The following NLRP1 variants were observed in gnomAD, a reference collection of about 807,000 sequenced individuals.
NLRP1 encodes the protein NLR family pyrin domain containing 1.
In NLRP1, 94 loss-of-function variants were observed where a neutral mutation model predicts 136.7. That is an observed-to-expected ratio of 0.69 (90% CI 0.58 to 0.82). The LOEUF is 0.82. Ranked by LOEUF, NLRP1 falls within the 40% of genes least tolerant of loss-of-function variation. The pLI, the probability that NLRP1 is intolerant of heterozygous loss-of-function variation, is 0.00. For synonymous variants in NLRP1, 690 were observed against 725.1 expected, an observed-to-expected ratio of 0.95 and a Z score of 0.78; for missense variants, 1,575 against 1,802.7, an observed-to-expected ratio of 0.87 and a Z score of 2.29.
intron 8 of NLRP1, 50 bp downstream of exon 8, chr17:5,536,801 C>T (rs1215365547): frequency 7.4e-7 from 1 of 1,348,860 alleles, no homozygotes; most frequent in East Asian, 2.3e-5. Flanking sequence ...CTGTCTCCTG[C>T]TCAGCCCTGG....
chr17:5,541,238 G>T lies in NLRP1; in HGVS notation c.2699+619C>A, dbSNP rs573805977. On this transcript the variant is annotated intron_variant, in intron 6 of 16. Coordinates refer to ENST00000572272, the MANE Select transcript of NLRP1 (RefSeq NM_033004.4). This position sits in a 1 kb window ranked among gnomAD's most constrained non-coding sequence, Gnocchi z 4.2. ...TTTGTGTAGTTTTAGTAGAGACAAG[G>T]TTTCACCATGTTGGCTAGGCTGGTC... Among the ~76,000 whole-genome samples the T allele has an allele frequency of 6.6e-6, 1 of 152,096 alleles. No homozygotes were observed. The highest frequency in any genetic ancestry group is 2.1e-4 in the South Asian group (1 of 4,824).
At chr17:5,549,711 A>G (rs987219046) in intron 5 of NLRP1, among the ~76,000 whole-genome samples, 1 of 152,214 alleles carries the variant, frequency 6.6e-6, no homozygotes, top group African/African-American at 2.4e-5. Context: ...ATTACTCTGG[A>G]TGGAACCTTG....
intron 15 of NLRP1, among the ~76,000 whole-genome samples, chr17:5,508,729 T>G (rs1907481666): frequency 6.6e-6 from 1 of 152,216 alleles, no homozygotes; most frequent in Non-Finnish European, 1.5e-5. Context: ...ATGCTTGTGA[T>G]GATCTAAATC....
intron 3 of NLRP1, among the ~76,000 whole-genome samples, chr17:5,574,879 C>T (rs143170557): frequency 0.018 from 2,719 of 151,900 alleles, 75 homozygotes; most frequent in African/African-American, 0.062. Flanking sequence ...TTAGCCAGGA[C>T]GGTCTCGATC....
chr17:5,520,109 G>A (rs762927820), intron 14 of NLRP1, among the ~76,000 whole-genome samples: 1 of 151,608 alleles, frequency 6.6e-6, no homozygotes, highest in African/African-American at 2.4e-5. Context: ...TGCCCACCTC[G>A]GTACCCAAAA....
chr17:5,511,745 TTTCTC>T, downstream of NLRP1, among the ~76,000 whole-genome samples: 1 of 144,762 alleles, frequency 6.9e-6, no homozygotes, highest in South Asian at 2.3e-4. Flanking sequence ...CCTCCCTCCC[TTTCTC>T]TTTTCTTTTT....
In NLRP1 at chr17:5,518,109, C is replaced by T. The variant is rs7223605; in HGVS notation, c.3916-222G>A. The T allele has an allele frequency of 2.6e-3, 1,311 of 503,058 alleles. 12 individuals are homozygous for T. Among genetic ancestry groups the T allele is most frequent in the African/African-American group, 0.024 (1,212 of 51,562 alleles). The allele number at this position is 503,058 out of a possible 1,614,324, so 31.2% of individuals were successfully genotyped here. ...GGGTAAGTCAGGGCTTGTCCTTAAA[C>T]GTAGTGCTCATAATCCTAAGCCAGA... On this transcript the variant is annotated intron_variant, in intron 14 of 16. Coordinates refer to ENST00000572272, the MANE Select transcript of NLRP1 (RefSeq NM_033004.4).
rs771237294 is a variant in NLRP1, at chr17:5,559,340, T to C, written c.1356A>G (p.Ala452=). 2 of 1,613,930 alleles carry C rather than the reference T, an allele frequency of 1.2e-6. No individual in the cohort carries two copies. Among genetic ancestry groups the C allele is most frequent in the Non-Finnish European group, 1.7e-6 (2 of 1,179,932 alleles). Residue 452 remains alanine, a synonymous_variant, in exon 4 of 17, where the codon GCA becomes GCG. Transcript: ENST00000572272. ...TGGTCCGAGCCGTGATCAGGAAGGA[T>C]GCCTCGGGAAGTATAGTTTTCCCCA... ...SLLGKTILPE[A]SFLITARTTA...
intron 3 of NLRP1, among the ~76,000 whole-genome samples, chr17:5,565,603 T>C (rs1395787087): frequency 1.3e-5 from 2 of 152,232 alleles, no homozygotes; most frequent in African/African-American, 4.8e-5. Context: ...TTGTAGTAGC[T>C]TCATAGTTTG....
At chr17:5,520,851 C>T (rs201037886) in intron 14 of NLRP1, 30 bp downstream of exon 14, 1 of 1,523,562 alleles carries the variant, frequency 6.6e-7, no homozygotes, top group Non-Finnish European at 8.9e-7. Flanking sequence ...CTTCTGTTCG[C>T]AGTGAAGAGG....
chr17:5,559,371 C>T lies in NLRP1; in HGVS notation c.1325G>A (p.Ser442Asn), dbSNP rs376885817. ...GGGAAGTATAGTTTTCCCCAGCAAA[C>T]TGCCCAGCAGTGCATCCGCCGGCTG... The part of the protein sequence containing the change: ...QPQPADALLG[S>N]LLGKTILPEA... The change falls in exon 4 of 17, where the codon AGT (serine) becomes AAT (asparagine). Residue 442 changes from serine (S) to asparagine (N), a missense_variant. Coordinates refer to ENST00000572272, the MANE Select transcript of NLRP1 (RefSeq NM_033004.4). 8.1e-6 allele frequency: 13 copies of T among 1,613,920 alleles called. No individual in the cohort carries two copies. Among genetic ancestry groups the T allele is most frequent in the African/African-American group, 2.7e-5 (2 of 74,938 alleles).
At chr17:5,556,106 C>G (rs1249390821) in intron 4 of NLRP1, among the ~76,000 whole-genome samples, 1 of 137,574 alleles carries the variant, frequency 7.3e-6, no homozygotes, top group Non-Finnish European at 1.5e-5. Context: ...CTGTCTCTGT[C>G]TCTCTCTCTA....
chr17:5,505,562 A>T (rs1015260800), intron 15 of NLRP1: 1 of 152,288 alleles, frequency 6.6e-6, no homozygotes, highest in Admixed American at 6.5e-5. Context: ...ACAAAGCACA[A>T]ATTCAAAGAT....
In NLRP1 at chr17:5,536,929, G is replaced by A. The variant is rs2151766200; in HGVS notation, c.2882C>T (p.Thr961Ile). Residue 961 changes from threonine (T) to isoleucine (I), a missense_variant, in exon 8 of 17, where the codon ACA (threonine) becomes ATA (isoleucine). Transcript: ENST00000572272. ...CKLIRLGLDQ[T>I]TLSDEMRQEL... ...CTGCCTCATCTCATCACTCAGAGTT[G>A]TCTGGTCCAGCCTGAAAGCACAAAG... The A allele has an allele frequency of 1.9e-6, 3 of 1,612,770 alleles. No homozygotes were observed. The highest frequency in any genetic ancestry group is 2.5e-6 in the Non-Finnish European group (3 of 1,178,776).
At position 5,537,012 on chromosome 17, in the gene NLRP1, C is replaced by G; in HGVS notation, c.2871-72G>C. On this transcript the variant is annotated intron_variant, in intron 7 of 16. Coordinates refer to ENST00000572272, the MANE Select transcript of NLRP1 (RefSeq NM_033004.4). This position sits in a 1 kb window ranked among gnomAD's most constrained non-coding sequence, Gnocchi z 4.5. Reference sequence around the variant, plus strand: ...TCCCCAGGTCCCCAGGGCCCAGAATCCTGGGACCTGTCACCTTCTGAGGCA... The same window carrying G: ...TCCCCAGGTCCCCAGGGCCCAGAATGCTGGGACCTGTCACCTTCTGAGGCA... The G allele has an allele frequency of 9.3e-7, 1 of 1,075,592 alleles. No homozygotes were observed. The highest frequency in any genetic ancestry group is 1.3e-5 in the South Asian group (1 of 79,676). 66.6% of individuals were successfully genotyped at this position (1,075,592 alleles called of 1,614,324 possible).
chr17:5,516,654 T>C (rs1567629769), intron 15 of NLRP1, among the ~76,000 whole-genome samples: 1 of 152,258 alleles, frequency 6.6e-6, no homozygotes, highest in Non-Finnish European at 1.5e-5. Context: ...AATTAGTCAT[T>C]ATGATCCTCT....
At chr17:5,512,664 C>CCTG, downstream of NLRP1, 1 of 317,874 alleles carries the variant, frequency 3.1e-6, no homozygotes, top group Non-Finnish European at 6.0e-6. Flanking sequence ...GAGCCCTGAG[C>CCTG]TCAGCAGGGC....
rs78433357 is a variant in NLRP1 at position 5,517,362 on chromosome 17, C to CCCCCG, written c.4057+383_4057+384insCGGGG. On this transcript the variant is annotated intron_variant, in intron 15 of 16. Transcript: ENST00000572272. Reference sequence around the variant, plus strand: ...TAGTGCACTCTGCACCCCCCCCCCTCCCACATACACAGACTTTCTTCCATT... The same window carrying CCCCCG: ...TAGTGCACTCTGCACCCCCCCCCCTCCCCCGCCACATACACAGACTTTCTTCCATT... Among the ~76,000 whole-genome samples, 228 of 61,244 alleles carry CCCCCG rather than the reference C, an allele frequency of 3.7e-3. 1 individual carries two copies. Among genetic ancestry groups the CCCCCG allele is most frequent in the South Asian group, 5.9e-3 (12 of 2,032 alleles). 40.2% of individuals were successfully genotyped at this position (61,244 alleles called of 152,430 possible). A position where few individuals can be genotyped will look rare whatever the true frequency, so the allele number is the denominator to read the frequency against.
At chr17:5,538,933 T>C (rs975207022) in intron 7 of NLRP1, among the ~76,000 whole-genome samples, 2 of 152,168 alleles carry the variant, frequency 1.3e-5, no homozygotes, top group African/African-American at 4.8e-5. Flanking sequence ...CAGGATGGAG[T>C]GCAGTGCTGT....
Sources: gnomAD v4.1 joint callset for allele counts (sites outside exome capture counted in the v4.1 genomes callset) on GRCh38, gnomAD v4.1.1 for gene constraint, Gnocchi (gnomAD v3.1) non-coding constraint, MANE v1.5 for transcripts, NCBI Gene and HGNC (gene_info 2026-07-23, HGNC 2026-07-21) for gene names.